PHYH: variants seen among roughly 807,000 people sequenced by gnomAD.
PHYH encodes phytanoyl-CoA dioxygenase, peroxisomal.
PHYH carries 32 observed loss-of-function variants against 38.5 expected under a neutral mutation model. The ratio of observed to expected loss-of-function variants is 0.83; its 90% CI spans 0.63 to 1.12. The LOEUF (loss-of-function observed/expected upper bound fraction) is 1.12, where lower values mean the gene tolerates loss of function less well. PHYH is among the 50% of genes most tolerant of loss of function. The probability of loss-of-function intolerance (pLI) is 0.00; values close to 1 mark genes in which losing one functional copy is unlikely to be tolerated. For synonymous variants in PHYH, 166 were observed against 157.9 expected (o/e 1.05, Z -0.38); for missense variants, 426 against 434.8 (o/e 0.98, Z 0.18).
intron 1 of PHYH, among the ~76,000 whole-genome samples, chr10:13,298,863 G>A (rs1832654499): frequency 2.4e-5 from 2 of 82,812 alleles, no homozygotes; most frequent in Admixed American, 3.2e-4. Context: ...GCAGTGGGCC[G>A]ACATTGCAGA....
intron 2 of PHYH, 109 bp downstream of exon 2, chr10:13,298,078 G>C: frequency 1.4e-6 from 1 of 740,294 alleles, no homozygotes; most frequent in Admixed American, 2.1e-5. Flanking sequence ...CAGAGGATTT[G>C]TATAATAAAA....
At chr10:13,285,668 G>A (rs111955867) in intron 6 of PHYH, among the ~76,000 whole-genome samples, 7 of 146,614 alleles carry the variant, frequency 4.8e-5, no homozygotes, top group African/African-American at 1.5e-4. Context: ...GCAGTGGCGC[G>A]ATCTCAGCTC....
In PHYH at chr10:13,295,612, G is replaced by A; in HGVS notation, c.135-6C>T. The stretch of plus-strand genomic sequence containing the variant: ...CGTTATTATCCAGAGTATACCTAAA[G>A]GAGAAAAAGAATCCCAAAATAAGTT... On this transcript the variant is annotated splice_polypyrimidine_tract_variant and splice_region_variant and intron_variant, in intron 2 of 8. Transcript: ENST00000263038. 1 of 1,080,440 alleles carries A rather than the reference G, an allele frequency of 9.3e-7. No homozygotes were observed. Among genetic ancestry groups the A allele is most frequent in the African/African-American group, 1.5e-5 (1 of 65,320 alleles). The allele number at this position is 1,080,440 out of a possible 1,614,324, so 66.9% of individuals were successfully genotyped here. A position where few individuals can be genotyped will look rare whatever the true frequency, so the allele number is the denominator to read the frequency against.
In PHYH at chr10:13,299,948, C is replaced by A. The variant is rs1347567462; in HGVS notation, c.75+20G>T. The A allele has an allele frequency of 1.3e-6, 2 of 1,515,548 alleles. No individual in the cohort carries two copies. The highest frequency in any genetic ancestry group is 1.2e-5 in the South Asian group (1 of 81,606). 93.9% of individuals were successfully genotyped at this position (1,515,548 alleles called of 1,614,324 possible). A position where few individuals can be genotyped will look rare whatever the true frequency, so the allele number is the denominator to read the frequency against. On this transcript the variant is annotated intron_variant, in intron 1 of 8. Coordinates refer to ENST00000263038, the MANE Select transcript of PHYH (RefSeq NM_006214.4). ...GCCGGCGCCGGATCCAGCCCGAGCC[C>A]CGCGCAGCCCAAAGGATACGACAGC...
At chr10:13,290,820 G>C (rs186896935) in intron 5 of PHYH, among the ~76,000 whole-genome samples, 22 of 152,156 alleles carry the variant, frequency 1.4e-4, no homozygotes, top group African/African-American at 5.3e-4. Flanking sequence ...CTATAGGCTG[G>C]GCGCGGTGGC....
At chr10:13,285,799 G>A (rs140175152) in intron 6 of PHYH, among the ~76,000 whole-genome samples, 4,858 of 151,126 alleles carry the variant, frequency 0.032, 111 homozygotes, top group Admixed American at 0.054. Context: ...AGACAGGGTT[G>A]CTCCATGTTG....
At chr10:13,294,718 C>T in intron 3 of PHYH, 122 bp from the exon 4 acceptor site, 4 of 768,368 alleles carry the variant, frequency 5.2e-6, no homozygotes, top group Non-Finnish European at 6.9e-6. Flanking sequence ...TGGCCTCCAG[C>T]TTGAGGTAGA....
At chr10:13,289,438 G>A (rs910992433) in intron 5 of PHYH, among the ~76,000 whole-genome samples, 16 of 151,554 alleles carry the variant, frequency 1.1e-4, no homozygotes, top group Non-Finnish European at 5.9e-5. Context: ...CTCGTGATCC[G>A]CCCGCCTCGG....
At chr10:13,292,176 C>T (rs547494749) in intron 4 of PHYH, among the ~76,000 whole-genome samples, 4 of 152,224 alleles carry the variant, frequency 2.6e-5, no homozygotes, top group Admixed American at 2.0e-4. Flanking sequence ...ATAGGAGTTC[C>T]GATGAGATAT....
At chr10:13,283,268 T>C (rs1183663051) in intron 7 of PHYH, among the ~76,000 whole-genome samples, 4 of 151,672 alleles carry the variant, frequency 2.6e-5, no homozygotes, top group Non-Finnish European at 5.9e-5. Flanking sequence ...TAGCTGGGAC[T>C]ACAGGCGCCC....
chr10:13,284,863 C>T (rs1426236179), intron 6 of PHYH, among the ~76,000 whole-genome samples: 1 of 152,140 alleles, frequency 6.6e-6, no homozygotes, highest in Non-Finnish European at 1.5e-5. Context: ...ATGACGACAT[C>T]CCTCTTAGAC....
At chr10:13,287,704 G>A (rs1490224332) in intron 6 of PHYH, among the ~76,000 whole-genome samples, 2 of 152,212 alleles carry the variant, frequency 1.3e-5, no homozygotes, top group African/African-American at 2.4e-5. Context: ...GGTCTCTGCA[G>A]TTGCAAGGAG....
chr10:13,292,855 C>G (rs570024674), intron 4 of PHYH, among the ~76,000 whole-genome samples: 2 of 149,592 alleles, frequency 1.3e-5, no homozygotes, highest in Admixed American at 1.3e-4. Context: ...ATCACTTGAA[C>G]CCAGGAGGCA....
rs975726197 is a variant in PHYH, at chr10:13,299,488, G to A, written c.75+480C>T. The A allele has an allele frequency of 5.0e-6, 5 of 1,003,560 alleles. No individual in the cohort carries two copies. In the African/African-American group the frequency reaches 7.0e-5, roughly 14 times the overall value. The allele number at this position is 1,003,560 out of a possible 1,614,324, so 62.2% of individuals were successfully genotyped here. ...AATGCCGTAGTCCAGCAGGGAGGCC[G>A]CCCTGGGCAGCGCCTGCCTGGCCAG... On this transcript the variant is annotated intron_variant, in intron 1 of 8. Transcript: ENST00000263038.
intron 1 of PHYH, among the ~76,000 whole-genome samples, chr10:13,298,718 C>T (rs4750345): frequency 0.54 from 49,868 of 92,852 alleles, 14,503 homozygotes; most frequent in South Asian, 0.69. Context: ...AAACTACCAC[C>T]ACTACTACTA....
At chr10:13,299,440 G>C in intron 1 of PHYH, 4 of 1,000,926 alleles carry the variant, frequency 4.0e-6, no homozygotes, top group Non-Finnish European at 4.8e-6. Flanking sequence ...TCCCCAAATA[G>C]TGTCTTTATA....
At chr10:13,282,794 T>C (rs1835445097) in intron 7 of PHYH, among the ~76,000 whole-genome samples, 1 of 152,138 alleles carries the variant, frequency 6.6e-6, no homozygotes, top group African/African-American at 2.4e-5. Flanking sequence ...ATTTTGATTT[T>C]TTTAAATTTC....
At chr10:13,294,653 G>A in intron 3 of PHYH, 57 bp from the exon 4 acceptor site, 1 of 1,478,036 alleles carries the variant, frequency 6.8e-7, no homozygotes, top group Non-Finnish European at 9.4e-7. Flanking sequence ...CACCTGCCCT[G>A]CCCTCCTCTG....
At chr10:13,291,100 ATCTC>A in intron 5 of PHYH, among the ~76,000 whole-genome samples, 1 of 132,176 alleles carries the variant, frequency 7.6e-6, no homozygotes, top group African/African-American at 2.9e-5. Flanking sequence ...GCAAAACTCC[ATCTC>A]AAAAAAAAAA....
Sources: allele counts gnomAD v4.1 joint callset (sites outside exome capture counted in the v4.1 genomes callset), GRCh38; gene constraint gnomAD v4.1.1; transcripts MANE v1.5; gene names NCBI Gene and HGNC (gene_info 2026-07-23, HGNC 2026-07-21).